ST3GAL3: variants seen among roughly 807,000 people sequenced by gnomAD.
The protein encoded by ST3GAL3 is ST3 beta-galactoside alpha-2,3-sialyltransferase 3, also known as CMP-N-acetylneuraminate-beta-1,4-galactoside alpha-2,3-sialyltransferase.
In ST3GAL3, 21 loss-of-function variants were observed where a neutral mutation model predicts 50.1. That is an observed-to-expected ratio of 0.42 (90% CI 0.30 to 0.60). The LOEUF (loss-of-function observed/expected upper bound fraction) is 0.60. Among genes scored for constraint, ST3GAL3 ranks in the 20% least tolerant of loss-of-function variants. ST3GAL3 has a pLI of 0.19. For synonymous variants in ST3GAL3, 183 were observed against 190.0 expected, an observed-to-expected ratio of 0.96 and a Z score of 0.30; for missense variants, 353 against 489.4, an observed-to-expected ratio of 0.72 and a Z score of 2.63.
chr1:43,764,765 T>C (rs1171747752), intron 2 of ST3GAL3, among the ~76,000 whole-genome samples: 1 of 152,250 alleles, frequency 6.6e-6, no homozygotes, highest in Non-Finnish European at 1.5e-5. Context: ...GGAAGGGGCA[T>C]GGCCGTGGGC....
Position 43,736,323 on chromosome 1 carries a change from G to A in ST3GAL3, c.61G>A (p.Gly21Arg). 6.2e-7 allele frequency: 1 copy of A among 1,614,138 alleles called. No individual in the cohort carries two copies. ...AGCCCTCTGCCTCTTTCTGGTACTG[G>A]GATTTTTGTATTATTCTGCGTGGAA... Reference protein sequence around the residue: ...LLALCLFLVLGFLYYSAWKLH... With the variant: ...LLALCLFLVLRFLYYSAWKLH... Residue 21 changes from glycine to arginine, a missense_variant, in exon 2 of 12, where the codon GGA becomes AGA. Physicochemically the swap from Gly to Arg is moderately radical, Grantham distance 125. Coordinates refer to ENST00000347631, the MANE Select transcript of ST3GAL3 (RefSeq NM_006279.5).
chr1:43,742,910 C>A (rs1382771492), intron 2 of ST3GAL3, among the ~76,000 whole-genome samples: 1 of 151,968 alleles, frequency 6.6e-6, no homozygotes, highest in Non-Finnish European at 1.5e-5. Context: ...CCATCCTGGC[C>A]AACATGGTGA....
In ST3GAL3 at chr1:43,915,119, G is replaced by A. The variant is rs542368776; in HGVS notation, c.745-5285G>A. Among the ~76,000 whole-genome samples the A allele has an allele frequency of 5.9e-5, 9 of 152,358 alleles. No homozygotes were observed. The East Asian group carries it at 1.7e-3, about 29-fold the overall frequency. On this transcript the variant is annotated intron_variant, in intron 9 of 11. Transcript: ENST00000347631. Reference sequence around the variant, plus strand: ...GAGGACAGACAGTTTGCCAGAGAAAGAGATGTTGCCACAGAGTTGGGAGCC... The same window carrying A: ...GAGGACAGACAGTTTGCCAGAGAAAAAGATGTTGCCACAGAGTTGGGAGCC...
chr1:43,788,929 A>G (rs1366493275), intron 2 of ST3GAL3, among the ~76,000 whole-genome samples: 1 of 151,900 alleles, frequency 6.6e-6, no homozygotes, highest in East Asian at 1.9e-4. Context: ...GTCTTAATGG[A>G]AGAGTGGGAG....
At chr1:43,728,076 G>GT (rs1673826892) in intron 1 of ST3GAL3, among the ~76,000 whole-genome samples, 1 of 151,928 alleles carries the variant, frequency 6.6e-6, no homozygotes, top group Non-Finnish European at 1.5e-5. Flanking sequence ...CTGTGTGTCC[G>GT]TAAGTACCCA....
intron 2 of ST3GAL3, among the ~76,000 whole-genome samples, chr1:43,761,755 C>T (rs1001839328): frequency 2.7e-5 from 4 of 148,454 alleles, no homozygotes; most frequent in Admixed American, 6.7e-5. Flanking sequence ...TCGAGACCAT[C>T]CTGGCTAACA....
intron 1 of ST3GAL3, among the ~76,000 whole-genome samples, chr1:43,732,319 G>A (rs1420567579): frequency 2.6e-5 from 4 of 152,204 alleles, no homozygotes. Context: ...GAGGGCCAAT[G>A]TTGGGAGGAG....
At chr1:43,888,907 C>G (rs1570728967) in intron 5 of ST3GAL3, among the ~76,000 whole-genome samples, 2 of 152,052 alleles carry the variant, frequency 1.3e-5, no homozygotes, top group Non-Finnish European at 2.9e-5. Flanking sequence ...TCCCTTTGAT[C>G]CAGCAAACCC....
chr1:43,726,954 G>A (rs988611259), intron 1 of ST3GAL3, among the ~76,000 whole-genome samples: 1 of 152,126 alleles, frequency 6.6e-6, no homozygotes, highest in Admixed American at 6.5e-5. Flanking sequence ...GATGTTTCTT[G>A]GGTGAATTAT....
At chr1:43,771,573 G>A (rs1695191237) in intron 2 of ST3GAL3, among the ~76,000 whole-genome samples, 1 of 152,126 alleles carries the variant, frequency 6.6e-6, no homozygotes, top group Non-Finnish European at 1.5e-5. Context: ...TAGCCAGGAT[G>A]GTCTCGATCT....
chr1:43,763,753 A>G (rs1280028296), intron 2 of ST3GAL3, among the ~76,000 whole-genome samples: 3 of 152,194 alleles, frequency 2.0e-5, no homozygotes, highest in Non-Finnish European at 4.4e-5. Flanking sequence ...CCAGTGTCTA[A>G]GCCATCAGAG....
chr1:43,851,195 T>C (rs936592490), intron 5 of ST3GAL3: 10 of 1,451,234 alleles, frequency 6.9e-6, no homozygotes, highest in Non-Finnish European at 9.7e-6. Flanking sequence ...CTGGTCATAG[T>C]TGATGTAGCC....
intron 5 of ST3GAL3, chr1:43,842,378 T>C (rs191369972): frequency 4.1e-4 from 62 of 152,242 alleles, no homozygotes; most frequent in African/African-American, 1.5e-3. Flanking sequence ...AAATCTGAGC[T>C]CTCCATTTGC....
In ST3GAL3 at chr1:43,872,441, C is replaced by T. The variant is rs896353336; in HGVS notation, c.303-21942C>T. ...TGCTGCTCTTCACCCTGCCTCTGAC[C>T]GGGCACTCCCTGAGGGAGAGGGAGG... On this transcript the variant is annotated intron_variant, in intron 5 of 11. Transcript: ENST00000347631. Among the ~76,000 whole-genome samples the T allele has an allele frequency of 7.3e-5, 11 of 151,120 alleles. No homozygotes were observed. In the East Asian group the frequency reaches 1.2e-3, roughly 16 times the overall value.
intron 5 of ST3GAL3, chr1:43,840,511 A>T (rs1047735646): frequency 6.6e-6 from 1 of 152,082 alleles, no homozygotes; most frequent in African/African-American, 2.4e-5. Context: ...TGGTCCTGTG[A>T]TCTCGCCCTG....
At chr1:43,811,411 G>C (rs1309962109) in intron 3 of ST3GAL3, among the ~76,000 whole-genome samples, 1 of 152,228 alleles carries the variant, frequency 6.6e-6, no homozygotes, top group African/African-American at 2.4e-5. Flanking sequence ...TGAGTGTTCT[G>C]ATGACCCCTT....
intron 1 of ST3GAL3, among the ~76,000 whole-genome samples, chr1:43,732,831 G>A (rs1021216864): frequency 2.6e-5 from 4 of 152,044 alleles, no homozygotes; most frequent in Non-Finnish European, 4.4e-5. Context: ...GAAAGACTGG[G>A]CTAAGGTATA....
chr1:43,898,119 C>T (rs1270514850), intron 6 of ST3GAL3, 116 bp from the exon 7 acceptor site: 2 of 1,099,582 alleles, frequency 1.8e-6, no homozygotes, highest in African/African-American at 1.5e-5. Flanking sequence ...GAGCTCTCTC[C>T]ACTTCCACTT....
chr1:43,813,012 C>T (rs1206843749), intron 3 of ST3GAL3, among the ~76,000 whole-genome samples: 1 of 152,122 alleles, frequency 6.6e-6, no homozygotes, highest in Non-Finnish European at 1.5e-5. Context: ...GACATTGCAA[C>T]AGGATTTGTT....
Sources: gnomAD v4.1 joint callset for allele counts (sites outside exome capture counted in the v4.1 genomes callset) on GRCh38, gnomAD v4.1.1 for gene constraint, MANE v1.5 for transcripts, NCBI Gene and HGNC (gene_info 2026-07-23, HGNC 2026-07-21) for gene names.